TTC17: variants seen among roughly 807,000 people sequenced by gnomAD.
TTC17 encodes tetratricopeptide repeat protein 17.
Under a neutral mutation model 143.8 loss-of-function variants are expected in TTC17, and 58 were observed. That is an observed-to-expected ratio of 0.40 (90% CI 0.33 to 0.50). The LOEUF (loss-of-function observed/expected upper bound fraction) is 0.50, where lower values mean the gene tolerates loss of function less well. Ranked by LOEUF, TTC17 falls within the 20% of genes least tolerant of loss-of-function variation. The pLI, the probability that TTC17 is intolerant of heterozygous loss-of-function variation, is 0.49. For missense variants in TTC17, 1,273 were observed against 1,392.5 expected, an observed-to-expected ratio of 0.91 and a Z score of 1.37; for synonymous variants, 501 against 497.8, an observed-to-expected ratio of 1.01 and a Z score of -0.09.
At chr11:43,382,564 T>A (rs1402383533) in intron 2 of TTC17, among the ~76,000 whole-genome samples, 2 of 152,252 alleles carry the variant, frequency 1.3e-5, no homozygotes, top group African/African-American at 4.8e-5. Flanking sequence ...AGGATGTTGC[T>A]TGCTACTTTT....
chr11:43,362,305 C>T (rs952746794), intron 1 of TTC17, among the ~76,000 whole-genome samples: 7 of 152,224 alleles, frequency 4.6e-5, no homozygotes, highest in Non-Finnish European at 7.4e-5. Flanking sequence ...AGGCGTGAGC[C>T]GCTGTGCCCG....
chr11:43,404,143 G>A lies in TTC17; in HGVS notation c.1478G>A (p.Arg493Lys). 1.2e-6 allele frequency: 2 copies of A among 1,605,994 alleles called. No homozygotes were observed. Among genetic ancestry groups the A allele is most frequent in the Middle Eastern group, 1.7e-4 (1 of 6,016 alleles). Reference sequence around the variant, plus strand: ...TGGGGCAGGGACTCTGATGCATATAGGGTAAGTTAATAGAGGATGACGAAG... The same window carrying A: ...TGGGGCAGGGACTCTGATGCATATAAGGTAAGTTAATAGAGGATGACGAAG... The part of the protein sequence containing the change: ...WIWGRDSDAY[R>K]DKQHILWPKR... The change falls in exon 11 of 24, where the codon AGG (arginine) becomes AAG (lysine). Residue 493 changes from arginine to lysine, a missense_variant and splice_region_variant. Arg to Lys is a conservative substitution (Grantham distance 26). Around this residue, in one of 3 missense-constraint regions of TTC17, gnomAD observed 878 missense variants for 899.8 expected, o/e 0.98. Coordinates refer to ENST00000039989, the MANE Select transcript of TTC17 (RefSeq NM_018259.6).
chr11:43,396,790 G>T lies in TTC17; in HGVS notation c.745G>T (p.Ala249Ser). Residue 249 changes from alanine (A) to serine (S), a missense_variant, in exon 6 of 24, where the codon GCC becomes TCC. Transcript: ENST00000039989. Reference sequence around the variant, plus strand: ...TGAGCCATATCAGGTAGTAGAATGTGCCATGCGAGCACTTCACTTCTCTTC... The same window carrying T: ...TGAGCCATATCAGGTAGTAGAATGTTCCATGCGAGCACTTCACTTCTCTTC... ...KNEPYQVVECAMRALHFSSRH... is the reference protein window; with the variant it reads ...KNEPYQVVECSMRALHFSSRH... The T allele has an allele frequency of 6.2e-7, 1 of 1,610,304 alleles. No homozygotes were observed. Among genetic ancestry groups the T allele is most frequent in the African/African-American group, 1.3e-5 (1 of 75,000 alleles).
chr11:43,450,405 G>T (rs1375753401), intron 20 of TTC17, among the ~76,000 whole-genome samples, 164 bp downstream of exon 20: 3 of 152,200 alleles, frequency 2.0e-5, no homozygotes, highest in African/African-American at 7.2e-5. Flanking sequence ...TTTCTTTCAG[G>T]CCCTGGGACT....
intron 1 of TTC17, among the ~76,000 whole-genome samples, chr11:43,375,167 G>A (rs764511167): frequency 2.0e-5 from 3 of 152,128 alleles, no homozygotes; most frequent in Non-Finnish European, 4.4e-5. Context: ...ATACAAGATG[G>A]CTAGTTACCA....
At chr11:43,402,691 G>T (rs1857921918) in intron 10 of TTC17, among the ~76,000 whole-genome samples, 1 of 152,058 alleles carries the variant, frequency 6.6e-6, no homozygotes, top group Admixed American at 6.6e-5. Flanking sequence ...ACAGGTAAGT[G>T]TAATAAAATA....
chr11:43,399,938 A>G lies in TTC17; in HGVS notation c.1109A>G (p.Asp370Gly). The G allele has an allele frequency of 1.2e-6, 2 of 1,614,002 alleles. No homozygotes were observed. The highest frequency in any genetic ancestry group is 1.7e-6 in the Non-Finnish European group (2 of 1,179,926). The change falls in exon 9 of 24, where the codon GAC becomes GGC. Residue 370 changes from aspartate to glycine, a missense_variant. This residue lies in a region of TTC17 where 325 missense variants were observed against 444.2 expected (regional missense o/e 0.73). Transcript: ENST00000039989. ...NELKEYQKQH[D>G]HYLRQQEILE... ...TTAAAAGAGTATCAAAAGCAGCATG[A>G]CCACTACCTGAGACAGCAGGAAATC...
chr11:43,449,238 C>G (rs1031522445), intron 19 of TTC17: 2 of 152,226 alleles, frequency 1.3e-5, no homozygotes, highest in Non-Finnish European at 2.9e-5. Context: ...TGATCTGCTC[C>G]CTGCCTGTTT....
chr11:43,403,740 A>G (rs1565148078), intron 10 of TTC17, among the ~76,000 whole-genome samples: 1 of 126,080 alleles, frequency 7.9e-6, no homozygotes, highest in Non-Finnish European at 1.9e-5. Flanking sequence ...AAAATGAAGC[A>G]AAGGGACAGG....
Position 43,414,854 on chromosome 11 carries a change from AT to A in TTC17, c.2251+82del, listed in dbSNP as rs879683750. ...TCTGATCAAAAGAACACAGAAAATG[AT>A]TTTCTCTATTTTACCCAAGGATTTT... On this transcript the variant is annotated intron_variant, in intron 16 of 23. Coordinates refer to ENST00000039989, the MANE Select transcript of TTC17 (RefSeq NM_018259.6). 4.8e-6 allele frequency: 7 copies of A among 1,452,380 alleles called. No individual in the cohort carries two copies. In the South Asian group the frequency reaches 6.4e-5, roughly 13 times the overall value. The allele number at this position is 1,452,380 out of a possible 1,614,324, so 90.0% of individuals were successfully genotyped here.
intron 21 of TTC17, among the ~76,000 whole-genome samples, chr11:43,453,190 A>G (rs1208337603): frequency 1.3e-5 from 2 of 148,400 alleles, no homozygotes; most frequent in African/African-American, 2.5e-5. Context: ...AAGAGAGTTA[A>G]AGAAAAATTG....
At chr11:43,391,747 A>C in intron 4 of TTC17, 74 bp from the exon 5 acceptor site, 8 of 1,535,860 alleles carry the variant, frequency 5.2e-6, no homozygotes, top group Non-Finnish European at 7.0e-6. Context: ...CAAAATAAAC[A>C]CTACAAGATA....
At chr11:43,455,530 A>G (rs993069087) in intron 21 of TTC17, among the ~76,000 whole-genome samples, 18 of 152,146 alleles carry the variant, frequency 1.2e-4, no homozygotes, top group African/African-American at 4.3e-4. Context: ...GACCATAAAA[A>G]TAGGAAGCTT....
At chr11:43,473,982 GC>G (rs1948139200) in intron 21 of TTC17, among the ~76,000 whole-genome samples, 2 of 151,976 alleles carry the variant, frequency 1.3e-5, no homozygotes, top group African/African-American at 2.4e-5. Context: ...CTTTTAGCCA[GC>G]AATTCTACTT....
rs1376146488 is a variant in TTC17, at chr11:43,385,513, G to A, written c.250-4139G>A. ...AACTCACAAAACTTTAGACTATGGT[G>A]GGAACACTTCATTTCAAAAATCCTG... On this transcript the variant is annotated intron_variant, in intron 2 of 23. Transcript: ENST00000039989. 3 of 152,026 alleles carry A rather than the reference G, an allele frequency of 2.0e-5. No individual in the cohort carries two copies. In the East Asian group the frequency reaches 5.8e-4, roughly 29 times the overall value. 9.4% of individuals were successfully genotyped at this position (152,026 alleles called of 1,614,324 possible).
intron 1 of TTC17, among the ~76,000 whole-genome samples, chr11:43,372,493 TA>T (rs1856607036): frequency 1.3e-5 from 2 of 150,104 alleles, no homozygotes; most frequent in Admixed American, 1.3e-4. Context: ...TTTATTTATT[TA>T]TTTATTTATT....
intron 16 of TTC17, among the ~76,000 whole-genome samples, chr11:43,442,024 A>T (rs1355692717): frequency 2.6e-5 from 4 of 152,146 alleles, no homozygotes; most frequent in Admixed American, 2.6e-4. Context: ...TACTTACACA[A>T]AGCTAGGTGG....
intron 16 of TTC17, among the ~76,000 whole-genome samples, chr11:43,431,679 C>A (rs1408596321): frequency 1.3e-5 from 2 of 152,198 alleles, no homozygotes; most frequent in African/African-American, 2.4e-5. Context: ...GCATGTAATT[C>A]TCAACAACCT....
Position 43,494,230 on chromosome 11 carries a change from C to T in TTC17, c.*326C>T, listed in dbSNP as rs1274608180. ...ACCTCAATGCCTTTAGGGCTTTTCTCAGTGGTCCAGCTAGCCTTCTCTTTG... is the reference window on the plus strand; with the variant it reads ...ACCTCAATGCCTTTAGGGCTTTTCTTAGTGGTCCAGCTAGCCTTCTCTTTG... On this transcript the variant is annotated 3_prime_UTR_variant, in exon 24 of 24. Transcript: ENST00000039989. The T allele has an allele frequency of 1.6e-5, 3 of 184,182 alleles. No homozygotes were observed. Among genetic ancestry groups the T allele is most frequent in the East Asian group, 1.5e-4 (1 of 6,762 alleles). 11.4% of individuals were successfully genotyped at this position (184,182 alleles called of 1,614,324 possible). A position where few individuals can be genotyped will look rare whatever the true frequency, so the allele number is the denominator to read the frequency against.
Sources: allele counts gnomAD v4.1 joint callset (sites outside exome capture counted in the v4.1 genomes callset), GRCh38; gene constraint gnomAD v4.1.1; regional missense constraint gnomAD v4.1.1; transcripts MANE v1.5; gene names NCBI Gene and HGNC (gene_info 2026-07-23, HGNC 2026-07-21).